ZNF804B: variants seen among roughly 807,000 people sequenced by gnomAD.
The protein encoded by ZNF804B is zinc finger protein 804B, also known as zinc finger 804B.
A neutral mutation model predicts 101.4 loss-of-function variants in ZNF804B; 80 were observed. That is an observed-to-expected ratio of 0.79 (90% confidence interval 0.66 to 0.95). The LOEUF is 0.95. Ranked by LOEUF, ZNF804B falls within the 40% of genes least tolerant of loss-of-function variation. The pLI is 0.00. For synonymous variants in ZNF804B, 622 were observed against 558.8 expected, an observed-to-expected ratio of 1.11 and a Z score of -1.59; for missense variants, 1,673 against 1,561.9, an observed-to-expected ratio of 1.07 and a Z score of -1.20.
chr7:88,989,404 C>T (rs1221774528), intron 1 of ZNF804B, among the ~76,000 whole-genome samples: 4 of 152,022 alleles, frequency 2.6e-5, no homozygotes, highest in African/African-American at 9.7e-5. Flanking sequence ...AACACTGAGC[C>T]ACGTTGGCAT....
intron 1 of ZNF804B, among the ~76,000 whole-genome samples, chr7:89,041,523 C>T (rs1249201867): frequency 6.6e-6 from 1 of 152,130 alleles, no homozygotes; most frequent in Non-Finnish European, 1.5e-5. Flanking sequence ...GGAACCTGGG[C>T]TCATGTGATT....
rs74575344 is a variant in ZNF804B, at chr7:89,022,735, C to T, written c.109-195420C>T. ...AATACTTAACTGTTGTTAACATCTA[C>T]CTTTTGCTTATCGATGAAAGAGAAC... is the stretch of plus-strand genomic sequence containing the variant. On this transcript the variant is annotated intron_variant, in intron 1 of 3. Transcript: ENST00000333190. Among the ~76,000 whole-genome samples the T allele has an allele frequency of 5.6e-3, 845 of 152,220 alleles. 5 individuals are homozygous for T. Among genetic ancestry groups the T allele is most frequent in the African/African-American group, 0.019 (808 of 41,526 alleles).
At chr7:89,042,912 A>G (rs1240309358) in intron 1 of ZNF804B, among the ~76,000 whole-genome samples, 1 of 152,214 alleles carries the variant, frequency 6.6e-6, no homozygotes, top group African/African-American at 2.4e-5. Flanking sequence ...CCTACAGGTA[A>G]TGAAATAATG....
chr7:89,094,834 G>C (rs1406355129), intron 1 of ZNF804B, among the ~76,000 whole-genome samples: 2 of 152,096 alleles, frequency 1.3e-5, no homozygotes, highest in African/African-American at 2.4e-5. Context: ...TACCGTGTCA[G>C]GATTTGATTC....
chr7:89,243,756 TG>T (rs1485779964), intron 2 of ZNF804B, among the ~76,000 whole-genome samples: 4 of 150,110 alleles, frequency 2.7e-5, no homozygotes, highest in Admixed American at 6.6e-5. Flanking sequence ...TGTTTTGTTT[TG>T]TTTTTTTTTA....
At chr7:88,958,738 A>T (rs1178702516) in intron 1 of ZNF804B, among the ~76,000 whole-genome samples, 4 of 151,418 alleles carry the variant, frequency 2.6e-5, no homozygotes, top group Non-Finnish European at 5.9e-5. Context: ...TGCATTTTAG[A>T]TACTGATTCT....
chr7:88,899,108 A>T (rs1438568165), intron 1 of ZNF804B, among the ~76,000 whole-genome samples: 1 of 152,156 alleles, frequency 6.6e-6, no homozygotes, highest in Non-Finnish European at 1.5e-5. Context: ...ACAGTGCCAG[A>T]GCTTCTGATA....
chr7:89,092,498 C>T (rs547241249), intron 1 of ZNF804B, among the ~76,000 whole-genome samples: 6 of 147,848 alleles, frequency 4.1e-5, no homozygotes, highest in South Asian at 2.2e-4. Flanking sequence ...CTGCAAGCTC[C>T]GCCTCCCGAG....
intron 2 of ZNF804B, among the ~76,000 whole-genome samples, chr7:89,267,407 A>C (rs1275961420): frequency 6.6e-6 from 1 of 152,220 alleles, no homozygotes; most frequent in African/African-American, 2.4e-5. Context: ...ATTGGTTCAC[A>C]AATTTGAAAA....
At position 89,200,081 on chromosome 7, in the gene ZNF804B, A is replaced by G. The variant is rs570155222; in HGVS notation, c.109-18074A>G. On this transcript the variant is annotated intron_variant, in intron 1 of 3. Transcript: ENST00000333190. ...TTGAACTTATTTAATCATTAGAACC[A>G]TTCTGTGAGAGTGATATTGTTATCC... Among the ~76,000 whole-genome samples, 11 of 151,762 alleles carry G rather than the reference A, an allele frequency of 7.2e-5. No individual in the cohort carries two copies. The East Asian group carries it at 2.1e-3, about 30-fold the overall frequency.
chr7:89,071,163 A>C (rs1003243909), intron 1 of ZNF804B, among the ~76,000 whole-genome samples: 2 of 152,092 alleles, frequency 1.3e-5, no homozygotes, highest in African/African-American at 4.8e-5. Flanking sequence ...AACTATGTAC[A>C]TGTTCAATAC....
intron 1 of ZNF804B, among the ~76,000 whole-genome samples, chr7:89,199,980 T>C (rs527598160): frequency 6.7e-6 from 1 of 149,340 alleles, no homozygotes; most frequent in East Asian, 1.9e-4. Context: ...ACATCTATAA[T>C]ATACATATAT....
chr7:89,031,736 A>G lies in ZNF804B; in HGVS notation c.109-186419A>G, dbSNP rs577586400. ...CCAAGTCCCTTTTTTACAAACATGT[A>G]TTATGACTTTGTCTATACTGAGACA... On this transcript the variant is annotated intron_variant, in intron 1 of 3. Coordinates refer to ENST00000333190, the MANE Select transcript of ZNF804B (RefSeq NM_181646.5). Among the ~76,000 whole-genome samples the G allele has an allele frequency of 1.7e-3, 264 of 151,630 alleles. 2 individuals carry two copies. The highest frequency in any genetic ancestry group is 2.4e-3 in the Non-Finnish European group (165 of 67,938).
At chr7:89,199,811 A>T (rs1272344122) in intron 1 of ZNF804B, among the ~76,000 whole-genome samples, 1 of 150,612 alleles carries the variant, frequency 6.6e-6, no homozygotes, top group Non-Finnish European at 1.5e-5. Flanking sequence ...ACACACATAC[A>T]TATACATATA....
rs147620052 is a variant in ZNF804B, at chr7:89,147,083, G to GTATATATATA, written c.109-71062_109-71053dup. ...TTGTATCAAAAAATAGGATAATCAG[G>GTATATATATA]TATATATATATATATATATTTAATG... On this transcript the variant is annotated intron_variant, in intron 1 of 3. Coordinates refer to ENST00000333190, the MANE Select transcript of ZNF804B (RefSeq NM_181646.5). Among the ~76,000 whole-genome samples the GTATATATATA allele has an allele frequency of 7.0e-3, 979 of 140,132 alleles. 17 individuals carry two copies. The highest frequency in any genetic ancestry group is 0.019 in the African/African-American group (712 of 37,982). The allele number at this position is 140,132 out of a possible 152,430, so 91.9% of individuals were successfully genotyped here.
At chr7:89,254,885 A>G (rs1789601974) in intron 2 of ZNF804B, among the ~76,000 whole-genome samples, 1 of 152,124 alleles carries the variant, frequency 6.6e-6, no homozygotes, top group South Asian at 2.1e-4. Context: ...ACCCCAGGCA[A>G]TCCACCCACC....
chr7:89,099,507 A>G (rs1451353418), intron 1 of ZNF804B, among the ~76,000 whole-genome samples: 1 of 152,194 alleles, frequency 6.6e-6, no homozygotes, highest in Non-Finnish European at 1.5e-5. Context: ...AGTGAAAGGA[A>G]TATGATGTTC....
At chr7:89,226,983 C>A (rs866336619) in intron 2 of ZNF804B, among the ~76,000 whole-genome samples, 1 of 152,134 alleles carries the variant, frequency 6.6e-6, no homozygotes. Context: ...ATAGTAAAGG[C>A]CTCCGTCTTT....
chr7:88,952,538 A>C (rs1051625298), intron 1 of ZNF804B, among the ~76,000 whole-genome samples: 1 of 151,772 alleles, frequency 6.6e-6, no homozygotes, highest in South Asian at 2.1e-4. Context: ...ATAGCTGATT[A>C]TAGTGATGTA....
Sources: allele counts gnomAD v4.1 joint callset (sites outside exome capture counted in the v4.1 genomes callset), GRCh38; gene constraint gnomAD v4.1.1; transcripts MANE v1.5; gene names NCBI Gene and HGNC (gene_info 2026-07-23, HGNC 2026-07-21).